S100A13: variants seen among roughly 807,000 people sequenced by gnomAD.
S100A13 encodes protein S100-A13.
S100A13 carries 6 observed loss-of-function variants against 8.2 expected under a neutral mutation model. The ratio of observed to expected loss-of-function variants is 0.73; its 90% CI spans 0.40 to 1.44. The LOEUF (loss-of-function observed/expected upper bound fraction) is 1.44, where lower values mean the gene tolerates loss of function less well. Among genes scored for constraint, S100A13 ranks in the 40% most tolerant of loss-of-function variants. S100A13 has a pLI of 0.02. For missense variants in S100A13, 114 were observed against 113.6 expected, an observed-to-expected ratio of 1.00 and a Z score of -0.02; for synonymous variants, 39 against 45.9, an observed-to-expected ratio of 0.85 and a Z score of 0.61.
At position 153,619,359 on chromosome 1, in the gene S100A13, C is replaced by T. The variant is rs561352404; in HGVS notation, c.154-321G>A. ...TGGAAAGAAATCCACACAATCTTCT[C>T]TCACCAGCACACCACTGCAGCTGCT... On this transcript the variant is annotated intron_variant, in intron 2 of 2. Coordinates refer to ENST00000476133, the MANE Select transcript of S100A13 (RefSeq NM_001024211.2). Among the ~76,000 whole-genome samples, 3 of 152,332 alleles carry T rather than the reference C, an allele frequency of 2.0e-5. No homozygotes were observed. In the South Asian group the frequency reaches 6.2e-4, roughly 32 times the overall value.
At chr1:153,630,262 C>A, upstream of S100A13, 1 of 522,266 alleles carries the variant, frequency 1.9e-6, no homozygotes, top group Non-Finnish European at 3.3e-6. Flanking sequence ...TGCTCTCTCT[C>A]CATGCCCCAA....
At chr1:153,625,874 A>C (rs1217665277) in intron 2 of S100A13, among the ~76,000 whole-genome samples, 1 of 152,252 alleles carries the variant, frequency 6.6e-6, no homozygotes, top group Non-Finnish European at 1.5e-5. Context: ...CAGGCAAGAA[A>C]ACTCACAACC....
chr1:153,621,846 G>T (rs1244101451), intron 2 of S100A13, among the ~76,000 whole-genome samples: 4 of 150,848 alleles, frequency 2.7e-5, no homozygotes, highest in African/African-American at 9.8e-5. Flanking sequence ...CTGGGTGACA[G>T]AGTGAGACCT....
At chr1:153,631,917 C>T, upstream of S100A13, 4 of 1,549,686 alleles carry the variant, frequency 2.6e-6, no homozygotes, top group Non-Finnish European at 2.6e-6. Context: ...TCCACCTCAC[C>T]CCACTTATCC....
At chr1:153,631,487 G>A (rs1351174054), upstream of S100A13, 3 of 1,606,062 alleles carry the variant, frequency 1.9e-6, no homozygotes, top group Admixed American at 3.4e-5. Flanking sequence ...ACGGTAACTG[G>A]TGTCATTATT....
Position 153,626,332 on chromosome 1 carries a change from G to C in S100A13, c.141C>G (p.Pro47=), listed in dbSNP as rs374018193. Residue 47 remains proline (P), a synonymous_variant, in exon 2 of 3, where the codon CCC becomes CCG. Transcript: ENST00000476133. ...EFKELVTQQL[P]HLLKDVGSLD... is the part of the protein sequence containing the mutation. ...GACTTCTGCCTACCTTGAGCAGATGGGGCAACTGCTGGGTAACCAGCTCTT... is the reference window on the plus strand; with the variant it reads ...GACTTCTGCCTACCTTGAGCAGATGCGGCAACTGCTGGGTAACCAGCTCTT... 1.2e-6 allele frequency: 2 copies of C among 1,613,862 alleles called. No individual in the cohort carries two copies. The highest frequency in any genetic ancestry group is 2.7e-5 in the African/African-American group (2 of 74,902).
chr1:153,628,357 C>T, upstream of S100A13: 5 of 1,540,360 alleles, frequency 3.2e-6, no homozygotes, highest in Non-Finnish European at 4.4e-6. Context: ...GGGTGTTCGT[C>T]TGTGAAGGGG....
At chr1:153,632,472 C>T (rs1437134686), upstream of S100A13, among the ~76,000 whole-genome samples, 1 of 151,894 alleles carries the variant, frequency 6.6e-6, no homozygotes, top group Non-Finnish European at 1.5e-5. Flanking sequence ...GGGGTTTCAC[C>T]ATGTTGGCCA....
At chr1:153,631,396 C>A, upstream of S100A13, 1 of 1,393,682 alleles carries the variant, frequency 7.2e-7, no homozygotes, top group Non-Finnish European at 9.8e-7. Context: ...ACATACCTCA[C>A]ATTATTTGTA....
upstream of S100A13, chr1:153,630,918 G>C (rs537388412): frequency 8.7e-5 from 43 of 491,968 alleles, no homozygotes; most frequent in South Asian, 1.6e-3. Context: ...GACTTAGAAG[G>C]GAAAGATTGA....
At chr1:153,633,318 C>G (rs1476761630), upstream of S100A13, among the ~76,000 whole-genome samples, 2 of 152,070 alleles carry the variant, frequency 1.3e-5, no homozygotes, top group Non-Finnish European at 2.9e-5. Context: ...GCCACTGACT[C>G]CAGCCTGGAC....
At chr1:153,634,287 C>A (rs1209677639), upstream of S100A13, 1 of 152,918 alleles carries the variant, frequency 6.5e-6, no homozygotes, top group Non-Finnish European at 1.5e-5. Context: ...GTCCCCGGCC[C>A]GCCTGCCGGA....
upstream of S100A13, chr1:153,630,952 C>T: frequency 2.2e-6 from 1 of 448,504 alleles, no homozygotes; most frequent in Non-Finnish European, 3.9e-6. Flanking sequence ...ACCATGAACT[C>T]CAGGAAATAC....
intron 2 of S100A13, among the ~76,000 whole-genome samples, chr1:153,622,076 A>G (rs1282808915): frequency 1.3e-5 from 2 of 152,132 alleles, no homozygotes; most frequent in Admixed American, 1.3e-4. Context: ...AATCACAAAA[A>G]TTAAAAATGA....
chr1:153,623,786 C>T (rs915945931), intron 2 of S100A13, among the ~76,000 whole-genome samples: 1 of 152,108 alleles, frequency 6.6e-6, no homozygotes, highest in African/African-American at 2.4e-5. Context: ...CTTTTGGGGT[C>T]TGTGGTTATA....
Position 153,623,013 on chromosome 1 carries a change from G to C in S100A13, c.153+3307C>G, listed in dbSNP as rs184354197. On this transcript the variant is annotated intron_variant, in intron 2 of 2. Coordinates refer to ENST00000476133, the MANE Select transcript of S100A13 (RefSeq NM_001024211.2). ...GCTGAGGTGGAAGGATCACTTGAGC[G>C]TAGGAGGTAGAGGCTGCAGTGAACT... Among the ~76,000 whole-genome samples the C allele has an allele frequency of 4.2e-3, 643 of 152,150 alleles. 1 individual carries two copies. Among genetic ancestry groups the C allele is most frequent in the South Asian group, 0.01 (50 of 4,816 alleles).
upstream of S100A13, chr1:153,628,842 C>T: frequency 3.2e-6 from 1 of 307,730 alleles, no homozygotes; most frequent in African/African-American, 2.1e-5. Flanking sequence ...AGGGTCCCAG[C>T]CCTCCCCTGC....
rs754572136 is a variant in S100A13 at position 153,626,310 on chromosome 1, T to C, written c.153+10A>G. The C allele has an allele frequency of 1.2e-6, 2 of 1,613,412 alleles. No homozygotes were observed. Among genetic ancestry groups the C allele is most frequent in the East Asian group, 4.5e-5 (2 of 44,870 alleles). ...ATCTCACAAAATCTCAGTCCCAGAC[T>C]TCTGCCTACCTTGAGCAGATGGGGC... is the stretch of plus-strand genomic sequence containing the variant. On this transcript the variant is annotated intron_variant, in intron 2 of 2. Coordinates refer to ENST00000476133, the MANE Select transcript of S100A13 (RefSeq NM_001024211.2).
chr1:153,631,596 T>G, upstream of S100A13: 1 of 1,613,830 alleles, frequency 6.2e-7, no homozygotes, highest in East Asian at 2.2e-5. Context: ...ATGCAGTTCC[T>G]CTCGCTCATC....
Sources: gnomAD v4.1 joint callset for allele counts (sites outside exome capture counted in the v4.1 genomes callset) on GRCh38, gnomAD v4.1.1 for gene constraint, MANE v1.5 for transcripts, NCBI Gene and HGNC (gene_info 2026-07-23, HGNC 2026-07-21) for gene names.